ROCK2: variants seen among roughly 807,000 people sequenced by gnomAD.
The protein encoded by ROCK2 is Rho associated coiled-coil containing protein kinase 2.
Under a neutral mutation model 195.1 loss-of-function variants are expected in ROCK2, and 61 were observed. That is an observed-to-expected ratio of 0.31 (90% confidence interval 0.25 to 0.39). ROCK2 has a LOEUF of 0.39. Ranked by LOEUF, ROCK2 falls within the 10% of genes least tolerant of loss-of-function variation. ROCK2 has a pLI of 1.00. For missense variants in ROCK2, 1,109 were observed against 1,637.4 expected (o/e 0.68, Z 5.57); for synonymous variants, 504 against 545.5 (o/e 0.92, Z 1.06).
intron 17 of ROCK2, 127 bp from the exon 18 acceptor site, chr2:11,211,967 T>G: frequency 1.5e-6 from 1 of 653,770 alleles, no homozygotes; most frequent in Non-Finnish European, 2.4e-6. Flanking sequence ...GTGCAGTGGT[T>G]TGATTATGGC....
intron 5 of ROCK2, chr2:11,234,632 T>C (rs1485293891): frequency 6.6e-6 from 1 of 152,086 alleles, no homozygotes; most frequent in Non-Finnish European, 1.5e-5. Context: ...GGATATTAAG[T>C]TCTAGCTGGA....
intron 3 of ROCK2, among the ~76,000 whole-genome samples, chr2:11,262,730 TA>T (rs1370478118): frequency 6.6e-6 from 1 of 152,182 alleles, no homozygotes. Context: ...CTTTCTTTTG[TA>T]AATTGCCCAG....
intron 1 of ROCK2, among the ~76,000 whole-genome samples, chr2:11,334,273 G>A (rs898757899): frequency 6.6e-6 from 1 of 152,100 alleles, no homozygotes; most frequent in African/African-American, 2.4e-5. Flanking sequence ...AGCACTTTGG[G>A]AGGCCAAGGT....
At chr2:11,302,802 T>C (rs771660532) in intron 1 of ROCK2, among the ~76,000 whole-genome samples, 16 of 152,250 alleles carry the variant, frequency 1.1e-4, no homozygotes, top group Non-Finnish European at 2.2e-4. Context: ...TTATACTGGG[T>C]TAAATGAAAT....
At chr2:11,283,582 A>AAAAACAAGAAAGAAAG (rs777307547) in intron 3 of ROCK2, among the ~76,000 whole-genome samples, 2 of 15,162 alleles carry the variant, frequency 1.3e-4, no homozygotes, top group Non-Finnish European at 5.3e-4. Flanking sequence ...AAAAAAAAAA[A>AAAAACAAGAAAGAAAG]AAAGCAAGAA....
chr2:11,337,668 T>C (rs1668973277), intron 1 of ROCK2, among the ~76,000 whole-genome samples: 1 of 151,934 alleles, frequency 6.6e-6, no homozygotes, highest in Non-Finnish European at 1.5e-5. Flanking sequence ...GTCTCACTCT[T>C]GTTGCCCAGG....
chr2:11,259,015 C>T (rs180845172), intron 3 of ROCK2, among the ~76,000 whole-genome samples: 4 of 151,184 alleles, frequency 2.6e-5, no homozygotes, highest in African/African-American at 9.8e-5. Flanking sequence ...ACTGCATGTG[C>T]CCAGAGGGGA....
intron 1 of ROCK2, among the ~76,000 whole-genome samples, chr2:11,313,494 C>A (rs1668100658): frequency 6.6e-6 from 1 of 151,542 alleles, no homozygotes. Flanking sequence ...GTTTGCATTT[C>A]TTTGGTGAAT....
chr2:11,261,150 G>A (rs1214827862), intron 3 of ROCK2, among the ~76,000 whole-genome samples: 2 of 152,170 alleles, frequency 1.3e-5, no homozygotes. Flanking sequence ...TGCTTTGACA[G>A]GACAGTTCCT....
intron 27 of ROCK2, among the ~76,000 whole-genome samples, chr2:11,195,928 T>C (rs1291461356): frequency 1.3e-5 from 2 of 152,254 alleles, no homozygotes; most frequent in African/African-American, 4.8e-5. Context: ...GGAATGTGTA[T>C]GAATCCTCGG....
intron 3 of ROCK2, among the ~76,000 whole-genome samples, chr2:11,263,851 G>C (rs1666322930): frequency 6.6e-6 from 1 of 150,698 alleles, no homozygotes; most frequent in Non-Finnish European, 1.5e-5. Flanking sequence ...TGAATATACA[G>C]CAGAGATAGT....
rs1211617517 is a variant in ROCK2, at chr2:11,317,599, TATATATATATA to T, written c.141+26386_141+26396del. ...ATTTATATATATATATATATATATA[TATATATATATA>T]TATTTTTTTTTTTTTTTAATTATAC... is the stretch of plus-strand genomic sequence containing the variant. On this transcript the variant is annotated intron_variant, in intron 1 of 32. Transcript: ENST00000315872. Among the ~76,000 whole-genome samples the T allele has an allele frequency of 1.9e-3, 33 of 17,374 alleles. 4 individuals carry two copies. The highest frequency in any genetic ancestry group is 2.5e-3 in the Non-Finnish European group (21 of 8,246). 11.4% of individuals were successfully genotyped at this position (17,374 alleles called of 152,430 possible). A position where few individuals can be genotyped will look rare whatever the true frequency, so the allele number is the denominator to read the frequency against.
At chr2:11,316,999 A>C (rs1324090558) in intron 1 of ROCK2, among the ~76,000 whole-genome samples, 2 of 152,298 alleles carry the variant, frequency 1.3e-5, no homozygotes, top group East Asian at 1.9e-4. Context: ...CACAGTTAAG[A>C]AGCTTAATAG....
At chr2:11,309,750 C>G (rs1179431808) in intron 1 of ROCK2, among the ~76,000 whole-genome samples, 1 of 152,152 alleles carries the variant, frequency 6.6e-6, no homozygotes, top group Non-Finnish European at 1.5e-5. Flanking sequence ...GAAGCTAAGG[C>G]AGGAAGACCA....
At chr2:11,217,466 G>T (rs1664473608) in intron 11 of ROCK2, 2 of 417,356 alleles carry the variant, frequency 4.8e-6, no homozygotes, top group South Asian at 4.1e-5. Flanking sequence ...TCATTATAAA[G>T]AATACCACCT....
chr2:11,254,659 C>G (rs1665955150), intron 3 of ROCK2, among the ~76,000 whole-genome samples: 1 of 130,650 alleles, frequency 7.7e-6, no homozygotes. Context: ...CTTTGGGAAG[C>G]TGAGGCAGGA....
intron 1 of ROCK2, among the ~76,000 whole-genome samples, chr2:11,331,732 C>G (rs1329502593): frequency 1.3e-5 from 2 of 152,170 alleles, no homozygotes; most frequent in Non-Finnish European, 2.9e-5. Flanking sequence ...TGAGACCAGC[C>G]TGGCCAACAT....
intron 20 of ROCK2, among the ~76,000 whole-genome samples, chr2:11,206,432 G>C (rs1664053906): frequency 6.6e-6 from 1 of 151,968 alleles, no homozygotes; most frequent in Non-Finnish European, 1.5e-5. Context: ...CCTGAAATAA[G>C]AGAGAAAAAT....
intron 9 of ROCK2, among the ~76,000 whole-genome samples, chr2:11,219,677 C>G (rs1664560753): frequency 6.6e-6 from 1 of 151,998 alleles, no homozygotes; most frequent in African/African-American, 2.4e-5. Context: ...ATCTGTCACC[C>G]AGGCTGGAGT....
Sources: allele counts gnomAD v4.1 joint callset (sites outside exome capture counted in the v4.1 genomes callset), GRCh38; gene constraint gnomAD v4.1.1; transcripts MANE v1.5; gene names NCBI Gene and HGNC (gene_info 2026-07-23, HGNC 2026-07-21).